Variants in CCDC85A observed in about 807,000 individuals in gnomAD.
The protein encoded by CCDC85A is coiled-coil domain-containing protein 85A.
A neutral mutation model predicts 50.2 loss-of-function variants in CCDC85A; 38 were observed. That is an observed-to-expected ratio of 0.76 (90% CI 0.58 to 0.99). The LOEUF (loss-of-function observed/expected upper bound fraction) is 0.99, where lower values mean the gene tolerates loss of function less well. Among genes scored for constraint, CCDC85A ranks in the 50% least tolerant of loss-of-function variants. The pLI is 0.00. For synonymous variants in CCDC85A, 366 were observed against 301.4 expected (o/e 1.21, Z -2.22); for missense variants, 820 against 742.0 (o/e 1.11, Z -1.22).
In CCDC85A at chr2:56,184,317, AT is replaced by A; in HGVS notation, c.-305del. 2 of 618,016 alleles carry A rather than the reference AT, an allele frequency of 3.2e-6. No homozygotes were observed. Among genetic ancestry groups the A allele is most frequent in the Non-Finnish European group, 4.3e-6 (2 of 463,954 alleles). 38.3% of individuals were successfully genotyped at this position (618,016 alleles called of 1,614,324 possible). A position where few individuals can be genotyped will look rare whatever the true frequency, so the allele number is the denominator to read the frequency against. ...TGCAGCTCCCCCGCTGTCCCCGAGG[AT>A]TTCCCGCGGCAGCCCCGGGCTCCCC... On this transcript the variant is annotated 5_prime_UTR_variant, in exon 1 of 6. Transcript: ENST00000407595.
chr2:56,324,798 G>T (rs934607000), intron 2 of CCDC85A, among the ~76,000 whole-genome samples: 4 of 151,958 alleles, frequency 2.6e-5, no homozygotes, highest in Admixed American at 1.3e-4. Context: ...TGTCCAAGAG[G>T]CATGTACCTT....
chr2:56,293,332 A>G (rs1213431067), intron 2 of CCDC85A, among the ~76,000 whole-genome samples: 1 of 152,218 alleles, frequency 6.6e-6, no homozygotes, highest in Non-Finnish European at 1.5e-5. Flanking sequence ...TTAACTCAAG[A>G]TGGATTAAAG....
Position 56,184,663 on chromosome 2 carries a change from G to T in CCDC85A, c.39G>T (p.Ala13=). 1.4e-6 allele frequency: 2 copies of T among 1,456,652 alleles called. No individual in the cohort carries two copies. 90.2% of individuals were successfully genotyped at this position (1,456,652 alleles called of 1,614,324 possible). ...CCGGAGGCGCGGCGGCGGCTGCGGC[G>T]GCGGCGGAAAGTTGTTCCCCAGCCC... ...KAAGGAAAAA[A]AAESCSPAPA... The change falls in exon 1 of 6, where the codon GCG becomes GCT. Residue 13 remains alanine, a synonymous_variant. Coordinates refer to ENST00000407595, the MANE Select transcript of CCDC85A (RefSeq NM_001080433.2).
chr2:56,292,885 A>G (rs1474381012), intron 2 of CCDC85A, among the ~76,000 whole-genome samples: 3 of 152,344 alleles, frequency 2.0e-5, no homozygotes, highest in Non-Finnish European at 4.4e-5. Flanking sequence ...CTATATTGGC[A>G]TCACTTTCCT....
chr2:56,356,253 T>C (rs1400897900), intron 3 of CCDC85A, among the ~76,000 whole-genome samples: 1 of 152,268 alleles, frequency 6.6e-6, no homozygotes, highest in African/African-American at 2.4e-5. Flanking sequence ...AAAATTTGGA[T>C]GAAATATTTC....
intron 2 of CCDC85A, among the ~76,000 whole-genome samples, chr2:56,292,379 G>A (rs890414473): frequency 2.0e-5 from 3 of 152,190 alleles, no homozygotes; most frequent in Non-Finnish European, 2.9e-5. Context: ...CACCACATCC[G>A]GCCTGAGTTG....
At chr2:56,366,722 GGTAGGAGCTT>G (rs1675814170) in intron 3 of CCDC85A, among the ~76,000 whole-genome samples, 1 of 152,178 alleles carries the variant, frequency 6.6e-6, no homozygotes, top group East Asian at 1.9e-4. Flanking sequence ...GTGCTAACGT[GGTAGGAGCTT>G]AGTGATTGAG....
At chr2:56,235,945 G>C (rs1332976396) in intron 2 of CCDC85A, among the ~76,000 whole-genome samples, 1 of 152,120 alleles carries the variant, frequency 6.6e-6, no homozygotes, top group South Asian at 2.1e-4. Context: ...CTTCAAAAAG[G>C]GGGTACATTC....
intron 3 of CCDC85A, among the ~76,000 whole-genome samples, chr2:56,366,396 C>G (rs1452265179): frequency 1.3e-5 from 2 of 152,170 alleles, no homozygotes; most frequent in East Asian, 1.9e-4. Flanking sequence ...GTTCCCATCT[C>G]TCCATATTCT....
intron 2 of CCDC85A, among the ~76,000 whole-genome samples, chr2:56,341,500 C>G (rs556719898): frequency 1.3e-5 from 2 of 152,160 alleles, no homozygotes; most frequent in Non-Finnish European, 2.9e-5. Flanking sequence ...GTGTACCTTT[C>G]ACTGCACCTG....
intron 2 of CCDC85A, among the ~76,000 whole-genome samples, chr2:56,220,107 A>AT (rs1668258438): frequency 6.6e-6 from 1 of 151,976 alleles, no homozygotes; most frequent in African/African-American, 2.4e-5. Context: ...AACAGTATGC[A>AT]TGCATGGTGG....
intron 2 of CCDC85A, among the ~76,000 whole-genome samples, chr2:56,205,730 A>G (rs894184903): frequency 4.7e-4 from 71 of 152,210 alleles, no homozygotes; most frequent in African/African-American, 1.6e-3. Flanking sequence ...TTGAGAATAA[A>G]CACATACTCA....
intron 2 of CCDC85A, among the ~76,000 whole-genome samples, chr2:56,224,376 C>T (rs1454847495): frequency 1.3e-5 from 2 of 152,200 alleles, no homozygotes; most frequent in African/African-American, 2.4e-5. Context: ...GATGAACATT[C>T]AGGTTGCTTT....
chr2:56,372,583 C>T, intron 4 of CCDC85A, 105 bp downstream of exon 4: 4 of 1,251,730 alleles, frequency 3.2e-6, no homozygotes, highest in Non-Finnish European at 4.2e-6. Context: ...AGTTCATACA[C>T]ATGAAAGAAA....
chr2:56,227,343 C>T lies in CCDC85A; in HGVS notation c.1240+33903C>T, dbSNP rs184053379. Among the ~76,000 whole-genome samples, 201 of 152,200 alleles carry T rather than the reference C, an allele frequency of 1.3e-3. 2 individuals are homozygous for T. Among genetic ancestry groups the T allele is most frequent in the African/African-American group, 4.7e-3 (195 of 41,536 alleles). ...CTGAAGTGTGTTGCTTGGCAACAGA[C>T]GGAAGGATACATGTTTTCAGATTTT... On this transcript the variant is annotated intron_variant, in intron 2 of 5. Transcript: ENST00000407595.
chr2:56,306,711 G>T (rs1194973133), intron 2 of CCDC85A, among the ~76,000 whole-genome samples: 1 of 152,084 alleles, frequency 6.6e-6, no homozygotes, highest in Non-Finnish European at 1.5e-5. Flanking sequence ...AAAATTTCAA[G>T]TAATTTTTCT....
chr2:56,276,448 A>G (rs1274939547), intron 2 of CCDC85A, among the ~76,000 whole-genome samples: 1 of 152,092 alleles, frequency 6.6e-6, no homozygotes, highest in Non-Finnish European at 1.5e-5. Flanking sequence ...CGTAGGAGGA[A>G]CTGGTGGGAG....
In CCDC85A at chr2:56,384,172, A is replaced by G. The variant is rs186645247; in HGVS notation, c.1573-94A>G. 4.6e-5 allele frequency: 50 copies of G among 1,077,324 alleles called. No individual in the cohort carries two copies. In the Admixed American group the frequency reaches 7.6e-4, roughly 16 times the overall value. The allele number at this position is 1,077,324 out of a possible 1,614,324, so 66.7% of individuals were successfully genotyped here. On this transcript the variant is annotated intron_variant, in intron 5 of 5. Transcript: ENST00000407595. ...ATATTTTGTCTCTTGTCTTTACTTC[A>G]TCTTCGCTCCTCTCTTAATTTACCC...
chr2:56,312,813 G>C (rs1290716940), intron 2 of CCDC85A, among the ~76,000 whole-genome samples: 1 of 152,098 alleles, frequency 6.6e-6, no homozygotes, highest in African/African-American at 2.4e-5. Context: ...TATGTACTAA[G>C]TAAATTGATC....
Sources: gnomAD v4.1 joint callset for allele counts (sites outside exome capture counted in the v4.1 genomes callset) on GRCh38, gnomAD v4.1.1 for gene constraint, MANE v1.5 for transcripts, NCBI Gene and HGNC (gene_info 2026-07-23, HGNC 2026-07-21) for gene names.